POU2F3: variants seen among roughly 807,000 people sequenced by gnomAD.
POU2F3 encodes the protein POU class 2 homeobox 3.
In POU2F3, 23 loss-of-function variants were observed where a neutral mutation model predicts 59.2. The observed-to-expected ratio is 0.39, with a 90% CI of 0.28 to 0.55. The LOEUF is 0.55. Among genes scored for constraint, POU2F3 ranks in the 20% least tolerant of loss-of-function variants. The pLI, the probability that POU2F3 is intolerant of heterozygous loss-of-function variation, is 0.66. For synonymous variants in POU2F3, 190 were observed against 214.6 expected (o/e 0.89, Z 1.00); for missense variants, 473 against 544.5 (o/e 0.87, Z 1.31).
In POU2F3 at chr11:120,269,269, C is replaced by G. The variant is rs765868939; in HGVS notation, c.132+25C>G. 3.2e-6 allele frequency: 5 copies of G among 1,558,240 alleles called. No individual in the cohort carries two copies. The Admixed American group carries it at 8.4e-5, about 26-fold the overall frequency. Reference sequence around the variant, plus strand: ...GGTAAGAACTTGGGTCAGAAAGAAACGTTTATTCTATAAAATTTGGGCATC... The same window carrying G: ...GGTAAGAACTTGGGTCAGAAAGAAAGGTTTATTCTATAAAATTTGGGCATC... On this transcript the variant is annotated intron_variant, in intron 3 of 12. Transcript: ENST00000543440.
chr11:120,288,831 T>C (rs7111185), intron 3 of POU2F3, among the ~76,000 whole-genome samples: 53,624 of 150,164 alleles, frequency 0.36, 12,225 homozygotes, highest in East Asian at 0.81. Context: ...GTATTACATA[T>C]GTACATGTAT....
chr11:120,264,690 G>A (rs1939754000), intron 2 of POU2F3, among the ~76,000 whole-genome samples: 1 of 152,162 alleles, frequency 6.6e-6, no homozygotes, highest in South Asian at 2.1e-4. Flanking sequence ...CAAGAATCAT[G>A]ACCTTGTTTT....
chr11:120,276,984 TA>T (rs1017327032), intron 3 of POU2F3, among the ~76,000 whole-genome samples: 3 of 151,266 alleles, frequency 2.0e-5, no homozygotes, highest in African/African-American at 7.3e-5. Flanking sequence ...CCCACCTCTA[TA>T]AAAAATACAA....
chr11:120,244,201 A>C (rs1938779767), intron 1 of POU2F3, among the ~76,000 whole-genome samples: 1 of 152,180 alleles, frequency 6.6e-6, no homozygotes, highest in South Asian at 2.1e-4. Flanking sequence ...GGAGAATCCT[A>C]ATGGTTTCCC....
intron 10 of POU2F3, 146 bp from the exon 11 acceptor site, chr11:120,315,215 A>C (rs1941753536): frequency 2.8e-6 from 2 of 725,502 alleles, no homozygotes; most frequent in East Asian, 5.4e-5. Flanking sequence ...TTCCCATAGA[A>C]AGGAGGATGG....
chr11:120,296,651 G>T (rs565142661), intron 3 of POU2F3, among the ~76,000 whole-genome samples: 2 of 152,252 alleles, frequency 1.3e-5, no homozygotes, highest in East Asian at 3.9e-4. Flanking sequence ...TGTGGTATCT[G>T]GTTTTCTGTT....
chr11:120,316,724 T>C (rs7102217), intron 11 of POU2F3, among the ~76,000 whole-genome samples: 111,059 of 152,218 alleles, frequency 0.73, 41,426 homozygotes, highest in African/African-American at 0.87. Context: ...CCATGCCCAG[T>C]TCAGTTCATT....
chr11:120,301,240 G>A (rs1298178511), intron 5 of POU2F3: 2 of 369,044 alleles, frequency 5.4e-6, no homozygotes, highest in African/African-American at 4.2e-5. Context: ...GAAAAAATGG[G>A]ATAATAGCAA....
At position 120,285,456 on chromosome 11, in the gene POU2F3, G is replaced by GA. The variant is rs773334455; in HGVS notation, c.133-12806dup. ...AATATTTGAGAAGAGTCATCACCCTGAAATCATCCCTTTTCTGTGTAAATA... is the reference window on the plus strand; with the variant it reads ...AATATTTGAGAAGAGTCATCACCCTGAAAATCATCCCTTTTCTGTGTAAATA... On this transcript the variant is annotated intron_variant, in intron 3 of 12. Coordinates refer to ENST00000543440, the MANE Select transcript of POU2F3 (RefSeq NM_014352.4). The surrounding 1 kb of genome is among the most constrained non-coding windows in gnomAD (Gnocchi z 4.3). 7.2e-5 allele frequency among the ~76,000 whole-genome samples: 11 copies of GA among 152,180 alleles called. No homozygotes were observed. The highest frequency in any genetic ancestry group is 1.5e-5 in the Non-Finnish European group (1 of 68,032).
chr11:120,278,327 C>T (rs761192948), intron 3 of POU2F3, among the ~76,000 whole-genome samples: 19 of 152,058 alleles, frequency 1.2e-4, no homozygotes, highest in Non-Finnish European at 1.9e-4. Flanking sequence ...ATGCAAACCA[C>T]GCCTCCTAAT....
Position 120,285,097 on chromosome 11 carries a change from G to A in POU2F3, c.133-13168G>A, listed in dbSNP as rs1204794882. On this transcript the variant is annotated intron_variant, in intron 3 of 12. Transcript: ENST00000543440. The surrounding 1 kb of genome is among the most constrained non-coding windows in gnomAD (Gnocchi z 4.3). ...ACGTAATGAAACGAAGGTCAGAGTC[G>A]GTGATGTTAGTTACTTTACTATTCT... Among the ~76,000 whole-genome samples the A allele has an allele frequency of 3.9e-5, 6 of 152,134 alleles. No individual in the cohort carries two copies. The highest frequency in any genetic ancestry group is 9.7e-5 in the African/African-American group (4 of 41,420).
intron 2 of POU2F3, among the ~76,000 whole-genome samples, chr11:120,265,075 T>C (rs1427422110): frequency 1.3e-5 from 2 of 152,192 alleles, no homozygotes; most frequent in Non-Finnish European, 2.9e-5. Flanking sequence ...CCACCTTCCA[T>C]GCCTTCCTGT....
chr11:120,266,148 C>A (rs1591391403), intron 2 of POU2F3, among the ~76,000 whole-genome samples: 1 of 152,190 alleles, frequency 6.6e-6, no homozygotes, highest in African/African-American at 2.4e-5. Flanking sequence ...TTGAGTTCTT[C>A]CCCAAGTCAC....
chr11:120,247,504 C>T (rs1261298524), intron 2 of POU2F3, among the ~76,000 whole-genome samples: 1 of 152,196 alleles, frequency 6.6e-6, no homozygotes, highest in Non-Finnish European at 1.5e-5. Flanking sequence ...AACAGTGTTT[C>T]CTTGCACAGG....
intron 2 of POU2F3, chr11:120,256,290 A>T (rs1430633843): frequency 1.3e-5 from 2 of 152,210 alleles, no homozygotes; most frequent in African/African-American, 4.8e-5. Context: ...AACAGGATTA[A>T]TGATAGTCCC....
intron 2 of POU2F3, among the ~76,000 whole-genome samples, chr11:120,248,260 G>A (rs991895225): frequency 2.0e-5 from 3 of 152,332 alleles, no homozygotes; most frequent in Admixed American, 2.0e-4. Context: ...GGTAGGAACG[G>A]ATGAGCTTTG....
At chr11:120,293,692 C>T (rs185210915) in intron 3 of POU2F3, among the ~76,000 whole-genome samples, 2 of 152,208 alleles carry the variant, frequency 1.3e-5, no homozygotes, top group Admixed American at 1.3e-4. Flanking sequence ...AGCTGTCTTC[C>T]CCCAGAGAGG....
At chr11:120,297,805 G>C (rs12279547) in intron 3 of POU2F3, among the ~76,000 whole-genome samples, 12,239 of 151,952 alleles carry the variant, frequency 0.081, 1,601 homozygotes, top group African/African-American at 0.27. Flanking sequence ...GGGTCTCACT[G>C]TGTCACCTAG....
At chr11:120,272,536 G>C (rs957646851) in intron 3 of POU2F3, among the ~76,000 whole-genome samples, 1 of 152,244 alleles carries the variant, frequency 6.6e-6, no homozygotes, top group African/African-American at 2.4e-5. Flanking sequence ...GCAGAAACAG[G>C]GGAGCAGAGA....
Sources: gnomAD v4.1 joint callset for allele counts (sites outside exome capture counted in the v4.1 genomes callset) on GRCh38, gnomAD v4.1.1 for gene constraint, Gnocchi (gnomAD v3.1) non-coding constraint, MANE v1.5 for transcripts, NCBI Gene and HGNC (gene_info 2026-07-23, HGNC 2026-07-21) for gene names.